Variants in NAALADL2 observed in about 807,000 individuals in gnomAD.
The protein encoded by NAALADL2 is N-acetylated alpha-linked acidic dipeptidase like 2.
Under a neutral mutation model 87.2 loss-of-function variants are expected in NAALADL2, and 76 were observed. The observed-to-expected ratio is 0.87, with a 90% CI of 0.72 to 1.05. NAALADL2 has a LOEUF of 1.05. NAALADL2 is among the 50% of genes least tolerant of loss of function. The pLI, the probability that NAALADL2 is intolerant of heterozygous loss-of-function variation, is 0.00. For synonymous variants in NAALADL2, 354 were observed against 331.0 expected, an observed-to-expected ratio of 1.07 and a Z score of -0.75; for missense variants, 1,089 against 945.8, an observed-to-expected ratio of 1.15 and a Z score of -1.99.
chr3:175,483,540 T>G (rs1481096761), intron 9 of NAALADL2, among the ~76,000 whole-genome samples: 1 of 152,012 alleles, frequency 6.6e-6, no homozygotes, highest in African/African-American at 2.4e-5. Flanking sequence ...GAATTTGACC[T>G]CAAGTCAGCC....
At chr3:174,569,686 G>C (rs1714695573) in intron 2 of NAALADL2, among the ~76,000 whole-genome samples, 2 of 152,078 alleles carry the variant, frequency 1.3e-5, no homozygotes, top group Admixed American at 1.3e-4. Context: ...GATCAGCTAT[G>C]TTAGGTTTAA....
intron 3 of NAALADL2, among the ~76,000 whole-genome samples, chr3:174,795,302 G>A (rs1347971458): frequency 6.6e-6 from 1 of 151,812 alleles, no homozygotes; most frequent in East Asian, 1.9e-4. Flanking sequence ...CGGCCTTCTA[G>A]TCCAGCATTT....
At chr3:175,147,662 C>T (rs986268596) in intron 2 of NAALADL2, among the ~76,000 whole-genome samples, 1 of 152,168 alleles carries the variant, frequency 6.6e-6, no homozygotes, top group Non-Finnish European at 1.5e-5. Context: ...TTTGAGAAAT[C>T]TTCAAACTGC....
intron 12 of NAALADL2, among the ~76,000 whole-genome samples, chr3:175,745,586 G>A (rs565226347): frequency 1.2e-4 from 18 of 152,216 alleles, no homozygotes; most frequent in African/African-American, 4.3e-4. Context: ...ATTGCTTGGG[G>A]AATAATGACA....
In NAALADL2 at chr3:175,657,579, G is replaced by T. The variant is rs1039354070; in HGVS notation, c.1896+30193G>T. On this transcript the variant is annotated intron_variant, in intron 11 of 13. Transcript: ENST00000454872. ...GTTGGAAAAAAATACTCATTTTACT[G>T]TTTTTTTTTTTTTTCTTTTGAGACG... Among the ~76,000 whole-genome samples the T allele has an allele frequency of 4.3e-5, 6 of 141,114 alleles. No individual in the cohort carries two copies. In the East Asian group the frequency reaches 8.2e-4, roughly 19 times the overall value. 92.6% of individuals were successfully genotyped at this position (141,114 alleles called of 152,430 possible).
At chr3:175,107,100 AT>A (rs1197979601) in intron 2 of NAALADL2, among the ~76,000 whole-genome samples, 1 of 152,012 alleles carries the variant, frequency 6.6e-6, no homozygotes, top group Non-Finnish European at 1.5e-5. Flanking sequence ...ATTTTTGCAA[AT>A]TGTAGATGCT....
chr3:174,752,619 TTTC>T (rs1206718363), intron 3 of NAALADL2, among the ~76,000 whole-genome samples: 1 of 152,098 alleles, frequency 6.6e-6, no homozygotes, highest in Non-Finnish European at 1.5e-5. Context: ...AGCTTTCAGT[TTTC>T]TTCTTAACTC....
intron 3 of NAALADL2, among the ~76,000 whole-genome samples, chr3:174,777,473 T>A (rs944140720): frequency 6.6e-6 from 1 of 152,266 alleles, no homozygotes; most frequent in South Asian, 2.1e-4. Context: ...TTATATATCA[T>A]CAAAATTTCT....
chr3:175,436,360 A>G (rs1718671269), intron 5 of NAALADL2, among the ~76,000 whole-genome samples: 1 of 149,474 alleles, frequency 6.7e-6, no homozygotes, highest in South Asian at 2.1e-4. Flanking sequence ...TTTTGGGTAT[A>G]TACCCACTAA....
chr3:175,114,125 G>A (rs1377037596), intron 2 of NAALADL2, among the ~76,000 whole-genome samples: 1 of 151,616 alleles, frequency 6.6e-6, no homozygotes, highest in African/African-American at 2.4e-5. Flanking sequence ...TGGTTTCAAA[G>A]AGCTGAAAGC....
intron 3 of NAALADL2, among the ~76,000 whole-genome samples, chr3:174,775,220 A>G (rs1316942949): frequency 6.6e-6 from 1 of 151,444 alleles, no homozygotes; most frequent in Admixed American, 6.6e-5. Context: ...TAGTGCAACC[A>G]TTATAACAAT....
At chr3:175,594,449 A>G (rs1427823375) in intron 10 of NAALADL2, among the ~76,000 whole-genome samples, 1 of 152,058 alleles carries the variant, frequency 6.6e-6, no homozygotes, top group Non-Finnish European at 1.5e-5. Context: ...CTTTGCTATC[A>G]CAAACACCAT....
At chr3:175,480,195 AT>A (rs1356419485) in intron 9 of NAALADL2, among the ~76,000 whole-genome samples, 13 of 151,822 alleles carry the variant, frequency 8.6e-5, no homozygotes, top group African/African-American at 2.7e-4. Context: ...GTTTATCTAT[AT>A]TGTGCCTTAA....
chr3:175,199,462 A>T (rs1739482082), intron 2 of NAALADL2, among the ~76,000 whole-genome samples: 1 of 152,012 alleles, frequency 6.6e-6, no homozygotes, highest in Non-Finnish European at 1.5e-5. Flanking sequence ...CTTTACATAT[A>T]ATATGTAAAT....
At chr3:175,627,966 A>G (rs1327270994) in intron 11 of NAALADL2, among the ~76,000 whole-genome samples, 2 of 11,740 alleles carry the variant, frequency 1.7e-4, no homozygotes, top group Non-Finnish European at 3.3e-4. Context: ...TAGTTGCAGA[A>G]AAAAAAGGCT....
chr3:174,836,124 G>A (rs952489057), intron 3 of NAALADL2, among the ~76,000 whole-genome samples: 7 of 152,086 alleles, frequency 4.6e-5, no homozygotes, highest in African/African-American at 1.7e-4. Flanking sequence ...ATAGATAAAC[G>A]TTGTATACAG....
At chr3:175,664,132 T>C (rs140266680) in intron 11 of NAALADL2, among the ~76,000 whole-genome samples, 6 of 152,204 alleles carry the variant, frequency 3.9e-5, no homozygotes, top group African/African-American at 1.4e-4. Context: ...TATGACAGCT[T>C]TTAATTCCTT....
intron 1 of NAALADL2, among the ~76,000 whole-genome samples, chr3:174,959,593 C>G (rs1447319066): frequency 6.6e-6 from 1 of 151,944 alleles, no homozygotes; most frequent in Non-Finnish European, 1.5e-5. Context: ...AAATGATGAT[C>G]TGGGAAAAGC....
chr3:174,484,163 C>T (rs866161262), intron 1 of NAALADL2, among the ~76,000 whole-genome samples: 13 of 147,924 alleles, frequency 8.8e-5, no homozygotes, highest in Admixed American at 2.0e-4. Context: ...TATTTGCTGA[C>T]GGATTTAATG....
Sources: gnomAD v4.1 joint callset for allele counts (sites outside exome capture counted in the v4.1 genomes callset) on GRCh38, gnomAD v4.1.1 for gene constraint, MANE v1.5 for transcripts, NCBI Gene and HGNC (gene_info 2026-07-23, HGNC 2026-07-21) for gene names.